Variants in DGKG observed in about 807,000 individuals in gnomAD.
DGKG encodes DAG kinase gamma.
In DGKG, 78 loss-of-function variants were observed where a neutral mutation model predicts 105.3. That is an observed-to-expected ratio of 0.74 (90% CI 0.62 to 0.89). The LOEUF (loss-of-function observed/expected upper bound fraction) is 0.89, where lower values mean the gene tolerates loss of function less well. Among genes scored for constraint, DGKG ranks in the 40% least tolerant of loss-of-function variants. The pLI, the probability that DGKG is intolerant of heterozygous loss-of-function variation, is 0.00. For synonymous variants in DGKG, 346 were observed against 367.1 expected (o/e 0.94, Z 0.66); for missense variants, 958 against 1,020.1 (o/e 0.94, Z 0.83).
chr3:186,291,882 A>AT (rs902723149), intron 5 of DGKG, among the ~76,000 whole-genome samples: 5 of 152,064 alleles, frequency 3.3e-5, no homozygotes, highest in South Asian at 2.1e-4. Context: ...AAAACATGCA[A>AT]TTTTTTGCCA....
At position 186,354,428 on chromosome 3, in the gene DGKG, G is replaced by A. The variant is rs184110805; in HGVS notation, c.-249+7518C>T. Among the ~76,000 whole-genome samples the A allele has an allele frequency of 2.6e-5, 4 of 152,334 alleles. No individual in the cohort carries two copies. In the East Asian group the frequency reaches 7.7e-4, roughly 29 times the overall value. Reference sequence around the variant, plus strand: ...GTGAAAACTTGGTTTCTCTGCAGACGACACTGTTTATTCCCAAGGCGAGAA... The same window carrying A: ...GTGAAAACTTGGTTTCTCTGCAGACAACACTGTTTATTCCCAAGGCGAGAA... On this transcript the variant is annotated intron_variant, in intron 1 of 24. Coordinates refer to ENST00000265022, the MANE Select transcript of DGKG (RefSeq NM_001346.3).
intron 2 of DGKG, 132 bp from the exon 3 acceptor site, chr3:186,307,109 C>T (rs1037686110): frequency 1.5e-6 from 1 of 647,628 alleles, no homozygotes; most frequent in African/African-American, 1.8e-5. Flanking sequence ...AGAAATGTCA[C>T]CCTCTTCTAC....
At chr3:186,174,147 T>C (rs1183193010) in intron 22 of DGKG, among the ~76,000 whole-genome samples, 1 of 152,212 alleles carries the variant, frequency 6.6e-6, no homozygotes, top group African/African-American at 2.4e-5. Flanking sequence ...CTGCCTTTTA[T>C]CTGGAAAATG....
chr3:186,298,374 T>C, intron 3 of DGKG, 145 bp from the exon 4 acceptor site: 1 of 726,764 alleles, frequency 1.4e-6, no homozygotes, highest in Non-Finnish European at 2.2e-6. Context: ...GGGACAGGAA[T>C]GAAAAGGCCA....
In DGKG at chr3:186,149,952, GC is replaced by G. The variant is rs2108465050; in HGVS notation, c.*137del. On this transcript the variant is annotated 3_prime_UTR_variant, in exon 25 of 25. Transcript: ENST00000265022. Reference sequence around the variant, plus strand: ...GGTGACGTTTTCTTCCCGAAGGGTGGCTTTGCTTCCACTGGTTAGAGAAGAG... The same window carrying G: ...GGTGACGTTTTCTTCCCGAAGGGTGGTTTGCTTCCACTGGTTAGAGAAGAG... The G allele has an allele frequency of 2.8e-6, 4 of 1,427,050 alleles. No individual in the cohort carries two copies. Among genetic ancestry groups the G allele is most frequent in the Non-Finnish European group, 2.7e-6 (3 of 1,093,816 alleles). The allele number at this position is 1,427,050 out of a possible 1,614,324, so 88.4% of individuals were successfully genotyped here. A position where few individuals can be genotyped will look rare whatever the true frequency, so the allele number is the denominator to read the frequency against.
chr3:186,280,450 G>T (rs1165102415), intron 8 of DGKG, among the ~76,000 whole-genome samples: 1 of 152,184 alleles, frequency 6.6e-6, no homozygotes, highest in Non-Finnish European at 1.5e-5. Context: ...CTGGTGAAAA[G>T]ATTAGCATGG....
At chr3:186,354,227 G>A (rs780980831) in intron 1 of DGKG, among the ~76,000 whole-genome samples, 33 of 152,294 alleles carry the variant, frequency 2.2e-4, no homozygotes, top group Non-Finnish European at 2.9e-4. Flanking sequence ...GGGGCACGAC[G>A]GAGCTGGTGA....
At chr3:186,207,097 A>C (rs1217129831) in intron 21 of DGKG, among the ~76,000 whole-genome samples, 1 of 152,204 alleles carries the variant, frequency 6.6e-6, no homozygotes, top group South Asian at 2.1e-4. Context: ...TGGAGCACCC[A>C]GTTTCCAGGT....
intron 9 of DGKG, among the ~76,000 whole-genome samples, chr3:186,277,939 C>A (rs1273950050): frequency 6.6e-6 from 1 of 151,916 alleles, no homozygotes; most frequent in South Asian, 2.1e-4. Context: ...TCTCCAAAAC[C>A]CCAAATAGTA....
At chr3:186,271,000 G>A (rs1722289041) in intron 11 of DGKG, among the ~76,000 whole-genome samples, 1 of 152,224 alleles carries the variant, frequency 6.6e-6, no homozygotes, top group Admixed American at 6.5e-5. Context: ...TGTGCATGGG[G>A]TGGTGCAGAA....
chr3:186,208,275 C>G (rs950305070), intron 21 of DGKG, among the ~76,000 whole-genome samples: 8 of 152,132 alleles, frequency 5.3e-5, no homozygotes, highest in African/African-American at 1.7e-4. Context: ...CTCCTGACCT[C>G]AGGTGATCCA....
Position 186,206,903 on chromosome 3 carries a change from C to T in DGKG, c.1917+4892G>A, listed in dbSNP as rs187123872. 6.2e-4 allele frequency among the ~76,000 whole-genome samples: 94 copies of T among 152,312 alleles called. 3 individuals are homozygous for T. The East Asian group carries it at 0.016, about 26-fold the overall frequency. ...TAGCTGGGATTGTAGGCATGTGCCA[C>T]CACACCCAGCTAATTTTGTGTTTTT... On this transcript the variant is annotated intron_variant, in intron 21 of 24. Transcript: ENST00000265022.
chr3:186,251,001 T>C (rs936846206), intron 19 of DGKG, among the ~76,000 whole-genome samples: 7 of 151,124 alleles, frequency 4.6e-5, no homozygotes, highest in African/African-American at 1.7e-4. Context: ...CCCACTCCAA[T>C]CCTCTTTGGA....
intron 21 of DGKG, among the ~76,000 whole-genome samples, chr3:186,206,052 G>A (rs545833814): frequency 2.6e-5 from 4 of 152,118 alleles, no homozygotes; most frequent in Non-Finnish European, 5.9e-5. Flanking sequence ...GGAGCTGGCT[G>A]ACCTTCCCTT....
At chr3:186,359,992 GGGA>G (rs952859545) in intron 1 of DGKG, among the ~76,000 whole-genome samples, 2 of 152,114 alleles carry the variant, frequency 1.3e-5, no homozygotes, top group African/African-American at 4.8e-5. Flanking sequence ...TCTCTTCCAG[GGGA>G]GGAGATGGGG....
At chr3:186,204,832 G>A (rs928351357) in intron 21 of DGKG, among the ~76,000 whole-genome samples, 10 of 152,178 alleles carry the variant, frequency 6.6e-5, no homozygotes, top group Non-Finnish European at 1.3e-4. Flanking sequence ...TCGGATTGGC[G>A]TGTATTGCTG....
At chr3:186,353,588 TATAC>T (rs546535635) in intron 1 of DGKG, among the ~76,000 whole-genome samples, 12,625 of 133,424 alleles carry the variant, frequency 0.095, 607 homozygotes, top group Middle Eastern at 0.13. Flanking sequence ...TATATATATA[TATAC>T]ACACACACAC....
chr3:186,295,079 T>C (rs1723485240), intron 5 of DGKG, among the ~76,000 whole-genome samples: 2 of 152,206 alleles, frequency 1.3e-5, no homozygotes, highest in Non-Finnish European at 2.9e-5. Flanking sequence ...TCCTTCCAGT[T>C]TCTCTTTTTG....
intron 1 of DGKG, among the ~76,000 whole-genome samples, chr3:186,348,416 T>C (rs148162572): frequency 8.7e-5 from 13 of 149,162 alleles, no homozygotes; most frequent in African/African-American, 3.2e-4. Flanking sequence ...TTTTTTTCTG[T>C]ACAAATTACT....
Sources: allele counts gnomAD v4.1 joint callset (sites outside exome capture counted in the v4.1 genomes callset), GRCh38; gene constraint gnomAD v4.1.1; transcripts MANE v1.5; gene names NCBI Gene and HGNC (gene_info 2026-07-23, HGNC 2026-07-21).